Variants in AJAP1 observed in about 807,000 individuals in gnomAD.
AJAP1 encodes the protein adherens junction-associated protein 1.
In AJAP1, 5 loss-of-function variants were observed where a neutral mutation model predicts 35.0. That is an observed-to-expected ratio of 0.14 (90% CI 0.07 to 0.30). The LOEUF (loss-of-function observed/expected upper bound fraction) is 0.30. Among genes scored for constraint, AJAP1 ranks in the 10% least tolerant of loss-of-function variants. AJAP1 has a pLI of 1.00. For missense variants in AJAP1, 586 were observed against 571.0 expected (o/e 1.03, Z -0.27); for synonymous variants, 284 against 249.3 (o/e 1.14, Z -1.31).
rs1258486513 is a variant in AJAP1 at position 4,787,756 on chromosome 1, G to A, written c.*5271G>A. 1 of 455,768 alleles carries A rather than the reference G, an allele frequency of 2.2e-6. No homozygotes were observed. Among genetic ancestry groups the A allele is most frequent in the East Asian group, 7.0e-5 (1 of 14,334 alleles). The allele number at this position is 455,768 out of a possible 1,614,324, so 28.2% of individuals were successfully genotyped here. On this transcript the variant is annotated 3_prime_UTR_variant, in exon 6 of 6. Transcript: ENST00000378191. ...GTCAGCCAGGTCTCAAGGAGGATAA[G>A]GGGGTTCAACGTCAGCGACTTGGCC...
intron 1 of AJAP1, among the ~76,000 whole-genome samples, chr1:4,710,665 G>T (rs1342034306): frequency 6.6e-6 from 1 of 152,232 alleles, no homozygotes; most frequent in Non-Finnish European, 1.5e-5. Flanking sequence ...CCCCCCACCC[G>T]CTTCAGTCAT....
intron 1 of AJAP1, among the ~76,000 whole-genome samples, chr1:4,673,870 A>T (rs60249354): frequency 0.013 from 2,045 of 152,058 alleles, 54 homozygotes; most frequent in African/African-American, 0.047. Flanking sequence ...CTGAGCCAGG[A>T]GCGAGAAGTC....
intron 1 of AJAP1, among the ~76,000 whole-genome samples, chr1:4,660,622 G>C (rs1370771222): frequency 2.0e-5 from 3 of 152,162 alleles, no homozygotes; most frequent in African/African-American, 7.2e-5. Flanking sequence ...TGACTGGCAA[G>C]CATGGGCACA....
At chr1:4,703,100 C>T (rs778255737) in intron 1 of AJAP1, among the ~76,000 whole-genome samples, 1 of 152,172 alleles carries the variant, frequency 6.6e-6, no homozygotes, top group African/African-American at 2.4e-5. Context: ...CTGGAGCTCC[C>T]TTCCAAAAGG....
chr1:4,696,165 G>A (rs1033021661), intron 1 of AJAP1, among the ~76,000 whole-genome samples: 1 of 150,302 alleles, frequency 6.7e-6, no homozygotes, highest in Admixed American at 6.7e-5. Flanking sequence ...GGGGGGAGCA[G>A]GGAGGCTCCC....
rs543041101 is a variant in AJAP1, at chr1:4,655,620, A to G, written c.29+166A>G. ...AAAGGGGCGCCCGCCCGGAGCCTGG[A>G]GCAGCACCGCGGCCCTGGCGGGGAG... On this transcript the variant is annotated intron_variant, in intron 1 of 5. Transcript: ENST00000378191. This position sits in a 1 kb window ranked among gnomAD's most constrained non-coding sequence, Gnocchi z 6.9. Among the ~76,000 whole-genome samples, 1 of 150,898 alleles carries G rather than the reference A, an allele frequency of 6.6e-6. No homozygotes were observed.
At chr1:4,756,698 T>G (rs938232122) in intron 2 of AJAP1, among the ~76,000 whole-genome samples, 27 of 152,282 alleles carry the variant, frequency 1.8e-4, no homozygotes, top group African/African-American at 6.3e-4. Flanking sequence ...GATGCCAAAT[T>G]TGTGAGATGC....
At chr1:4,706,241 G>T (rs12072545) in intron 1 of AJAP1, among the ~76,000 whole-genome samples, 1 of 152,182 alleles carries the variant, frequency 6.6e-6, no homozygotes, top group East Asian at 1.9e-4. Context: ...AAATATGTCT[G>T]TGTCTATTCT....
At chr1:4,703,782 C>A (rs1235546406) in intron 1 of AJAP1, among the ~76,000 whole-genome samples, 1 of 152,228 alleles carries the variant, frequency 6.6e-6, no homozygotes, top group East Asian at 1.9e-4. Context: ...TGAGCCCACG[C>A]CCTTTGATCT....
chr1:4,727,671 C>T (rs1447152275), intron 2 of AJAP1, among the ~76,000 whole-genome samples: 1 of 152,226 alleles, frequency 6.6e-6, no homozygotes, highest in Admixed American at 6.5e-5. Context: ...AATCCCTTCC[C>T]CTGGAGTGTG....
intron 4 of AJAP1, among the ~76,000 whole-genome samples, chr1:4,773,898 C>T (rs547859306): frequency 4.6e-5 from 7 of 152,296 alleles, no homozygotes; most frequent in South Asian, 2.1e-4. Flanking sequence ...CTGGTGCTCT[C>T]GTGCCCTGGC....
At chr1:4,698,710 T>G (rs1402390771) in intron 1 of AJAP1, among the ~76,000 whole-genome samples, 2 of 152,224 alleles carry the variant, frequency 1.3e-5, no homozygotes, top group African/African-American at 4.8e-5. Context: ...TCTAGCTCCT[T>G]CTGTAATTTC....
rs1219789251 is a variant in AJAP1, at chr1:4,782,658, C to T, written c.*173C>T. ...CCCCGCACCTACCACTTCTGTTTGCCGGTGGGAAACTCACAGAGCAGGACG... is the reference window on the plus strand; with the variant it reads ...CCCCGCACCTACCACTTCTGTTTGCTGGTGGGAAACTCACAGAGCAGGACG... On this transcript the variant is annotated 3_prime_UTR_variant, in exon 6 of 6. Coordinates refer to ENST00000378191, the MANE Select transcript of AJAP1 (RefSeq NM_018836.4). The surrounding 1 kb of genome is among the most constrained non-coding windows in gnomAD (Gnocchi z 5.3). 14 of 398,122 alleles carry T rather than the reference C, an allele frequency of 3.5e-5. No homozygotes were observed. The highest frequency in any genetic ancestry group is 1.3e-4 in the South Asian group (1 of 7,598). The allele number at this position is 398,122 out of a possible 1,614,324, so 24.7% of individuals were successfully genotyped here.
intron 2 of AJAP1, among the ~76,000 whole-genome samples, chr1:4,737,910 CA>C (rs1169700234): frequency 6.6e-6 from 1 of 150,708 alleles, no homozygotes; most frequent in East Asian, 1.9e-4. Flanking sequence ...TCAAAAAAAC[CA>C]AAACCAAAAC....
intron 1 of AJAP1, among the ~76,000 whole-genome samples, chr1:4,661,869 A>G (rs1639006498): frequency 1.3e-5 from 2 of 152,232 alleles, no homozygotes; most frequent in South Asian, 4.1e-4. Context: ...CCTATCTGTG[A>G]CACAGATACT....
chr1:4,701,856 C>T (rs796390604), intron 1 of AJAP1, among the ~76,000 whole-genome samples: 9 of 152,282 alleles, frequency 5.9e-5, no homozygotes, highest in African/African-American at 2.2e-4. Context: ...CAGGGTGGCA[C>T]CTGCCAGGCG....
intron 2 of AJAP1, among the ~76,000 whole-genome samples, chr1:4,730,580 A>G (rs1039184531): frequency 1.3e-5 from 2 of 152,354 alleles, no homozygotes; most frequent in East Asian, 3.9e-4. Flanking sequence ...CCCAGATATC[A>G]GGAACCTCTG....
chr1:4,742,934 G>A (rs564310611), intron 2 of AJAP1, among the ~76,000 whole-genome samples: 4 of 152,142 alleles, frequency 2.6e-5, no homozygotes. Flanking sequence ...ACGACTGACC[G>A]ACCCACTGGG....
chr1:4,765,990 C>T (rs2802717), intron 2 of AJAP1, among the ~76,000 whole-genome samples: 45,022 of 152,152 alleles, frequency 0.3, 7,253 homozygotes, highest in Middle Eastern at 0.5. Flanking sequence ...AGGTTCTAAT[C>T]CTTCAAACTA....
Sources: gnomAD v4.1 joint callset for allele counts (sites outside exome capture counted in the v4.1 genomes callset) on GRCh38, gnomAD v4.1.1 for gene constraint, Gnocchi (gnomAD v3.1) non-coding constraint, MANE v1.5 for transcripts, NCBI Gene and HGNC (gene_info 2026-07-23, HGNC 2026-07-21) for gene names.